Variants in PDE9A observed in about 807,000 individuals in gnomAD.
PDE9A encodes high affinity cGMP-specific 3',5'-cyclic phosphodiesterase 9A.
In PDE9A, 60 loss-of-function variants were observed where a neutral mutation model predicts 87.4. That is an observed-to-expected ratio of 0.69 (90% CI 0.56 to 0.85). PDE9A has a LOEUF of 0.85. Ranked by LOEUF, PDE9A falls within the 40% of genes least tolerant of loss-of-function variation. The probability of loss-of-function intolerance (pLI) is 0.00; values close to 1 mark genes in which losing one functional copy is unlikely to be tolerated. For synonymous variants in PDE9A, 272 were observed against 279.4 expected (o/e 0.97, Z 0.27); for missense variants, 665 against 779.0 (o/e 0.85, Z 1.74).
At position 42,660,970 on chromosome 21, in the gene PDE9A, G is replaced by A. The variant is rs983572978; in HGVS notation, c.69+7087G>A. 5.3e-5 allele frequency among the ~76,000 whole-genome samples: 8 copies of A among 152,020 alleles called. No individual in the cohort carries two copies. The highest frequency in any genetic ancestry group is 2.6e-4 in the Admixed American group (4 of 15,258). The stretch of plus-strand genomic sequence containing the variant: ...AAACCCGCAGTACCCCTGAAAACTC[G>A]GTCTAGAAACAACTAAAAGAAGAAC... On this transcript the variant is annotated intron_variant, in intron 1 of 19. Coordinates refer to ENST00000291539, the MANE Select transcript of PDE9A (RefSeq NM_002606.3). This position sits in a 1 kb window ranked among gnomAD's most constrained non-coding sequence, Gnocchi z 4.7.
In PDE9A at chr21:42,731,836, G is replaced by C. The variant is rs780611492; in HGVS notation, c.329G>C (p.Arg110Pro). Residue 110 changes from arginine to proline, a missense_variant, in exon 5 of 20, where the codon CGG (arginine) becomes CCG (proline). By Grantham distance (103) the Arg-to-Pro change is moderately radical. Transcript: ENST00000291539. ...QSAERPLRDR[R>P]VVGLEQPRRE... ...GCTGAGAGACCACTGAGGGACAGAC[G>C]GGTTGTGGGCCTGGAGCAGCCCCGG... 1.2e-6 allele frequency: 2 copies of C among 1,614,200 alleles called. No individual in the cohort carries two copies. The highest frequency in any genetic ancestry group is 8.5e-7 in the Non-Finnish European group (1 of 1,180,026).
At chr21:42,717,522 CAA>C in intron 4 of PDE9A, among the ~76,000 whole-genome samples, 1 of 145,126 alleles carries the variant, frequency 6.9e-6, no homozygotes. Context: ...CCAGCCTGGG[CAA>C]GAGAGTGAGA....
intron 1 of PDE9A, among the ~76,000 whole-genome samples, chr21:42,682,055 T>A (rs774054142): frequency 3.1e-4 from 47 of 152,358 alleles, no homozygotes; most frequent in Non-Finnish European, 6.3e-4. Flanking sequence ...TCCCTAGGGC[T>A]CACGCCTCAT....
chr21:42,740,443 CAAAAAAA>C (rs56151302), intron 7 of PDE9A, among the ~76,000 whole-genome samples: 54 of 114,148 alleles, frequency 4.7e-4, no homozygotes, highest in Admixed American at 2.0e-3. Context: ...GCCCCTGTCT[CAAAAAAA>C]AAAAAAGAAA....
At chr21:42,733,277 G>C in intron 6 of PDE9A, 79 bp from the exon 7 acceptor site, 1 of 813,674 alleles carries the variant, frequency 1.2e-6, no homozygotes, top group Non-Finnish European at 2.2e-6. Flanking sequence ...CAGGGACTCA[G>C]TAGGTGTTTG....
intron 17 of PDE9A, among the ~76,000 whole-genome samples, chr21:42,770,269 G>A (rs1030493626): frequency 2.7e-5 from 4 of 150,696 alleles, no homozygotes; most frequent in African/African-American, 9.8e-5. Context: ...TGTTCCCCCC[G>A]GGGATCTGGG....
At chr21:42,733,294 C>A in intron 6 of PDE9A, 62 bp from the exon 7 acceptor site, 2 of 967,316 alleles carry the variant, frequency 2.1e-6, no homozygotes, top group South Asian at 1.3e-5. Flanking sequence ...TTTGCTTAAC[C>A]GGTTTTGGCT....
Position 42,696,695 on chromosome 21 carries a change from G to A in PDE9A, c.219-2273G>A, listed in dbSNP as rs973384833. Among the ~76,000 whole-genome samples the A allele has an allele frequency of 7.2e-5, 11 of 152,204 alleles. No homozygotes were observed. The highest frequency in any genetic ancestry group is 2.7e-4 in the African/African-American group (11 of 41,464). ...GCCCAGGCCCTTCCTAGGCAACCCT[G>A]GCACGGGTCCTCACTGGCCACACTG... On this transcript the variant is annotated intron_variant, in intron 3 of 19. Coordinates refer to ENST00000291539, the MANE Select transcript of PDE9A (RefSeq NM_002606.3). This position sits in a 1 kb window ranked among gnomAD's most constrained non-coding sequence, Gnocchi z 5.1.
At position 42,660,992 on chromosome 21, in the gene PDE9A, G is replaced by A. The variant is rs2057440094; in HGVS notation, c.69+7109G>A. 6.6e-6 allele frequency among the ~76,000 whole-genome samples: 1 copy of A among 151,816 alleles called. No homozygotes were observed. Among genetic ancestry groups the A allele is most frequent in the Non-Finnish European group, 1.5e-5 (1 of 67,972 alleles). ...CTCGGTCTAGAAACAACTAAAAGAA[G>A]AACCACAGCATTTTATTCCGTTTGC... On this transcript the variant is annotated intron_variant, in intron 1 of 19. Coordinates refer to ENST00000291539, the MANE Select transcript of PDE9A (RefSeq NM_002606.3). This position sits in a 1 kb window ranked among gnomAD's most constrained non-coding sequence, Gnocchi z 4.7.
In PDE9A at chr21:42,770,766, G is replaced by A; in HGVS notation, c.1654G>A (p.Glu552Lys). The change falls in exon 18 of 20, where the codon GAG becomes AAG. Residue 552 changes from glutamate (E) to lysine (K), a missense_variant. By Grantham distance (56) the Glu-to-Lys change is moderately conservative (BLOSUM62 1). Transcript: ENST00000291539. ...TTGGGAATCCCGAGATCGCTACGAG[G>A]AGCTGAAGCGGATAGATGACGCCAT... ...PLWESRDRYE[E>K]LKRIDDAMKE... The A allele has an allele frequency of 6.2e-7, 1 of 1,614,086 alleles. No individual in the cohort carries two copies.
intron 1 of PDE9A, among the ~76,000 whole-genome samples, chr21:42,666,167 A>G (rs952420577): frequency 6.6e-6 from 1 of 152,100 alleles, no homozygotes; most frequent in African/African-American, 2.4e-5. Flanking sequence ...TCATTCGTGC[A>G]GTGGGCGTGG....
At chr21:42,769,330 C>T (rs13048632) in intron 17 of PDE9A, among the ~76,000 whole-genome samples, 175 bp downstream of exon 17, 6,572 of 151,278 alleles carry the variant, frequency 0.043, 171 homozygotes, top group Middle Eastern at 0.099. Flanking sequence ...TACACACACG[C>T]ACACAGCTAC....
rs2060121562 is a variant in PDE9A, at chr21:42,695,995, G to A, written c.219-2973G>A. Among the ~76,000 whole-genome samples the A allele has an allele frequency of 6.6e-6, 1 of 152,210 alleles. No homozygotes were observed. Among genetic ancestry groups the A allele is most frequent in the African/African-American group, 2.4e-5 (1 of 41,446 alleles). Reference sequence around the variant, plus strand: ...GCCAGGAAGGTTTCTGCAGCCTCCTGGAGCATTCACAGAGGCTCCCTGTCC... The same window carrying A: ...GCCAGGAAGGTTTCTGCAGCCTCCTAGAGCATTCACAGAGGCTCCCTGTCC... On this transcript the variant is annotated intron_variant, in intron 3 of 19. Transcript: ENST00000291539. This position sits in a 1 kb window ranked among gnomAD's most constrained non-coding sequence, Gnocchi z 4.3.
At chr21:42,684,149 G>A (rs867431397) in intron 1 of PDE9A, among the ~76,000 whole-genome samples, 7 of 152,400 alleles carry the variant, frequency 4.6e-5, no homozygotes, top group Middle Eastern at 3.4e-3. Context: ...CCAGAAGCAC[G>A]CTTTGAAGAC....
rs1461271033 is a variant in PDE9A, at chr21:42,723,749, T to G, written c.263-8021T>G. Among the ~76,000 whole-genome samples, 6 of 152,158 alleles carry G rather than the reference T, an allele frequency of 3.9e-5. No individual in the cohort carries two copies. Among genetic ancestry groups the G allele is most frequent in the African/African-American group, 1.4e-4 (6 of 41,428 alleles). On this transcript the variant is annotated intron_variant, in intron 4 of 19. Transcript: ENST00000291539. This position sits in a 1 kb window ranked among gnomAD's most constrained non-coding sequence, Gnocchi z 4.3. Reference sequence around the variant, plus strand: ...AGAGTTAATGCTGACTCCCCCTCCCTCGGGGGCTTATTTGCAATCTCCCGA... The same window carrying G: ...AGAGTTAATGCTGACTCCCCCTCCCGCGGGGGCTTATTTGCAATCTCCCGA...
intron 1 of PDE9A, among the ~76,000 whole-genome samples, chr21:42,666,901 G>A (rs1291026860): frequency 6.6e-6 from 1 of 152,172 alleles, no homozygotes; most frequent in Admixed American, 6.5e-5. Flanking sequence ...GATCCAGAAC[G>A]ACATTGGGTC....
intron 15 of PDE9A, 165 bp downstream of exon 15, chr21:42,765,659 C>G: frequency 1.6e-6 from 1 of 633,656 alleles, no homozygotes. Flanking sequence ...TAGGAAAGTC[C>G]GGGCAGGGCC....
At chr21:42,677,759 C>T (rs2058935634) in intron 1 of PDE9A, among the ~76,000 whole-genome samples, 1 of 152,186 alleles carries the variant, frequency 6.6e-6, no homozygotes, top group Admixed American at 6.5e-5. Flanking sequence ...TCTCCTGCCT[C>T]GGCCTCCTGA....
At chr21:42,762,842 G>A (rs912499000) in intron 14 of PDE9A, among the ~76,000 whole-genome samples, 7 of 152,090 alleles carry the variant, frequency 4.6e-5, no homozygotes, top group Middle Eastern at 3.2e-3. Flanking sequence ...ACAGGCATGC[G>A]CCACCAAGCC....
Sources: gnomAD v4.1 joint callset for allele counts (sites outside exome capture counted in the v4.1 genomes callset) on GRCh38, gnomAD v4.1.1 for gene constraint, Gnocchi (gnomAD v3.1) non-coding constraint, MANE v1.5 for transcripts, NCBI Gene and HGNC (gene_info 2026-07-23, HGNC 2026-07-21) for gene names.